Variants in RPTOR observed in about 807,000 individuals in gnomAD.
The protein encoded by RPTOR is regulatory-associated protein of mTOR.
RPTOR carries 21 observed loss-of-function variants against 169.9 expected under a neutral mutation model. The ratio of observed to expected loss-of-function variants is 0.12; its 90% CI spans 0.09 to 0.18. The LOEUF (loss-of-function observed/expected upper bound fraction) is 0.18, where lower values mean the gene tolerates loss of function less well. Among genes scored for constraint, RPTOR ranks in the 10% least tolerant of loss-of-function variants. The probability of loss-of-function intolerance (pLI) is 1.00; values close to 1 mark genes in which losing one functional copy is unlikely to be tolerated. For missense variants in RPTOR, 1,133 were observed against 1,855.9 expected (o/e 0.61, Z 7.16); for synonymous variants, 732 against 753.2 (o/e 0.97, Z 0.46).
chr17:80,638,696 A>AG (rs2065528602), intron 2 of RPTOR, among the ~76,000 whole-genome samples: 3 of 152,184 alleles, frequency 2.0e-5, no homozygotes, highest in South Asian at 4.1e-4. Context: ...ATCTGAAAGA[A>AG]GGGGGTTAAC....
chr17:80,647,429 T>C (rs988566659), intron 3 of RPTOR, among the ~76,000 whole-genome samples: 4 of 152,158 alleles, frequency 2.6e-5, no homozygotes, highest in African/African-American at 9.7e-5. Flanking sequence ...AGAATTTTTC[T>C]AACAAATTGG....
At chr17:80,643,232 C>T (rs2065567180) in intron 2 of RPTOR, among the ~76,000 whole-genome samples, 1 of 151,664 alleles carries the variant, frequency 6.6e-6, no homozygotes, top group Admixed American at 6.6e-5. Context: ...AAATCCTGGA[C>T]ATGAATGTAC....
chr17:80,557,371 A>ATT (rs1285081917), intron 1 of RPTOR, among the ~76,000 whole-genome samples: 2 of 151,222 alleles, frequency 1.3e-5, no homozygotes, highest in Non-Finnish European at 3.0e-5. Flanking sequence ...AAATTTAAAA[A>ATT]TTAGGCGTGG....
intron 18 of RPTOR, 54 bp downstream of exon 18, chr17:80,891,891 G>A (rs1405349340): frequency 3.2e-6 from 4 of 1,268,990 alleles, no homozygotes; most frequent in Non-Finnish European, 3.4e-6. Flanking sequence ...CGGTTCTAGT[G>A]CAGGCCGCGG....
chr17:80,911,043 G>A (rs1380479245), intron 21 of RPTOR, among the ~76,000 whole-genome samples: 1 of 152,144 alleles, frequency 6.6e-6, no homozygotes, highest in Non-Finnish European at 1.5e-5. Context: ...GTGTTGGCCA[G>A]GATGGTCTCG....
rs1312309316 is a variant in RPTOR at position 80,885,036 on chromosome 17, G to C, written c.1871G>C (p.Gly624Ala). The C allele has an allele frequency of 6.2e-7, 1 of 1,609,570 alleles. No individual in the cohort carries two copies. The highest frequency in any genetic ancestry group is 8.5e-7 in the Non-Finnish European group (1 of 1,178,714). ...EVRCAAVFAL[G>A]TFVGNSAERT... Reference sequence around the variant, plus strand: ...CGCTGCGCAGCGGTCTTCGCCCTTGGCACGTTCGTGGGCAACTCTGCAGAG... The same window carrying C: ...CGCTGCGCAGCGGTCTTCGCCCTTGCCACGTTCGTGGGCAACTCTGCAGAG... The change falls in exon 17 of 34, where the codon GGC (glycine) becomes GCC (alanine). Residue 624 changes from glycine to alanine, a missense_variant. Gly to Ala is a moderately conservative substitution (Grantham distance 60). Transcript: ENST00000306801.
chr17:80,761,551 G>T (rs952077869), intron 6 of RPTOR, among the ~76,000 whole-genome samples: 4 of 152,152 alleles, frequency 2.6e-5, no homozygotes, highest in Non-Finnish European at 4.4e-5. Flanking sequence ...AGGCTAAGTG[G>T]TTTGCAGTGC....
At chr17:80,720,167 G>A (rs1019066369) in intron 4 of RPTOR, among the ~76,000 whole-genome samples, 5 of 152,020 alleles carry the variant, frequency 3.3e-5, no homozygotes, top group Non-Finnish European at 5.9e-5. Flanking sequence ...GCATAGTGGC[G>A]GGCACCTGTA....
Position 80,730,789 on chromosome 17 carries a change from G to T in RPTOR, c.654+83G>T. The T allele has an allele frequency of 8.1e-7, 1 of 1,233,918 alleles. No homozygotes were observed. Among genetic ancestry groups the T allele is most frequent in the South Asian group, 1.3e-5 (1 of 77,320 alleles). 76.4% of individuals were successfully genotyped at this position (1,233,918 alleles called of 1,614,324 possible). On this transcript the variant is annotated intron_variant, in intron 5 of 33. Transcript: ENST00000306801. The surrounding 1 kb of genome is among the most constrained non-coding windows in gnomAD (Gnocchi z 4.2). ...TGGGGTTTGGGTGGGGAGGTTGGGAGGTGTTGGACATCCTCTGAATGGAGC... is the reference window on the plus strand; with the variant it reads ...TGGGGTTTGGGTGGGGAGGTTGGGATGTGTTGGACATCCTCTGAATGGAGC...
intron 11 of RPTOR, among the ~76,000 whole-genome samples, chr17:80,849,750 C>A (rs1302120387): frequency 6.6e-6 from 1 of 152,214 alleles, no homozygotes; most frequent in African/African-American, 2.4e-5. Flanking sequence ...GAACTCCTGA[C>A]CTTGTGATCC....
chr17:80,774,912 G>C (rs7221178), intron 6 of RPTOR, among the ~76,000 whole-genome samples: 4 of 152,190 alleles, frequency 2.6e-5, no homozygotes, highest in Non-Finnish European at 5.9e-5. Flanking sequence ...TAATTAAGCT[G>C]CTTGCTTATA....
At chr17:80,546,809 T>C (rs1362962194) in intron 1 of RPTOR, among the ~76,000 whole-genome samples, 3 of 152,174 alleles carry the variant, frequency 2.0e-5, no homozygotes, top group African/African-American at 7.2e-5. Flanking sequence ...ATCTCAGCAC[T>C]TTGGGAGGCC....
intron 24 of RPTOR, among the ~76,000 whole-genome samples, chr17:80,930,427 AT>A (rs1264222362): frequency 0.043 from 20 of 460 alleles, no homozygotes; most frequent in East Asian, 0.17. Context: ...TCCTCAGCTC[AT>A]CCTCATCCCC....
At position 80,672,745 on chromosome 17, in the gene RPTOR, G is replaced by A. The variant is rs907364383; in HGVS notation, c.348+28935G>A. Among the ~76,000 whole-genome samples the A allele has an allele frequency of 1.3e-4, 20 of 152,024 alleles. No homozygotes were observed. In the South Asian group the frequency reaches 1.7e-3, roughly 13 times the overall value. On this transcript the variant is annotated intron_variant, in intron 3 of 33. Coordinates refer to ENST00000306801, the MANE Select transcript of RPTOR (RefSeq NM_020761.3). ...GTGAAGCTTTCAGTGAGCCGAGATCGCGTCACTGCACTCCAGCCTGGGCGA... is the reference window on the plus strand; with the variant it reads ...GTGAAGCTTTCAGTGAGCCGAGATCACGTCACTGCACTCCAGCCTGGGCGA...
intron 25 of RPTOR, among the ~76,000 whole-genome samples, chr17:80,943,734 G>A (rs1221458093): frequency 1.3e-5 from 2 of 150,714 alleles, no homozygotes; most frequent in African/African-American, 5.0e-5. Context: ...TGAGGACACG[G>A]TTAGTAAGAG....
intron 5 of RPTOR, among the ~76,000 whole-genome samples, chr17:80,744,773 T>A (rs796863581): frequency 5.8e-4 from 36 of 61,654 alleles, no homozygotes; most frequent in East Asian, 9.7e-4. Flanking sequence ...CTACTAGCAC[T>A]GTCCTGGCTA....
chr17:80,716,035 C>T (rs1396498738), intron 4 of RPTOR, among the ~76,000 whole-genome samples: 1 of 152,192 alleles, frequency 6.6e-6, no homozygotes, highest in Non-Finnish European at 1.5e-5. Flanking sequence ...CATGCGTGTG[C>T]AAGTATCTTT....
chr17:80,554,667 C>T (rs1160910935), intron 1 of RPTOR, among the ~76,000 whole-genome samples: 1 of 151,952 alleles, frequency 6.6e-6, no homozygotes, highest in South Asian at 2.1e-4. Context: ...TGGCGTGAAC[C>T]CGGGAGGCAG....
intron 13 of RPTOR, among the ~76,000 whole-genome samples, chr17:80,876,210 A>G (rs370668001): frequency 0.026 from 515 of 20,008 alleles, 11 homozygotes; most frequent in Middle Eastern, 0.12. Flanking sequence ...TTCCCACCGA[A>G]CCCGTGCCAC....
Sources: allele counts gnomAD v4.1 joint callset (sites outside exome capture counted in the v4.1 genomes callset), GRCh38; gene constraint gnomAD v4.1.1; non-coding constraint Gnocchi (gnomAD v3.1); transcripts MANE v1.5; gene names NCBI Gene and HGNC (gene_info 2026-07-23, HGNC 2026-07-21).